The following DNAI2 variants were observed in gnomAD, a reference collection of about 807,000 sequenced individuals.
DNAI2 encodes dynein axonemal intermediate chain 2.
Under a neutral mutation model 74.7 loss-of-function variants are expected in DNAI2, and 63 were observed. That is an observed-to-expected ratio of 0.84 (90% CI 0.69 to 1.04). The LOEUF (loss-of-function observed/expected upper bound fraction) is 1.04, where lower values mean the gene tolerates loss of function less well. Ranked by LOEUF, DNAI2 falls within the 50% of genes least tolerant of loss-of-function variation. DNAI2 has a pLI of 0.00. For synonymous variants in DNAI2, 289 were observed against 314.9 expected (o/e 0.92, Z 0.87); for missense variants, 688 against 803.2 (o/e 0.86, Z 1.73).
rs185381490 is a variant in DNAI2 at position 74,312,557 on chromosome 17, G to A, written c.1722+327G>A. Reference sequence around the variant, plus strand: ...CATGTGTGTTGAGTGACTGAACGAGGGTCCTAGAGGTAAGTGAGCTGTCAG... The same window carrying A: ...CATGTGTGTTGAGTGACTGAACGAGAGTCCTAGAGGTAAGTGAGCTGTCAG... On this transcript the variant is annotated intron_variant, in intron 12 of 13. Coordinates refer to ENST00000311014, the MANE Select transcript of DNAI2 (RefSeq NM_023036.6). 9.3e-4 allele frequency among the ~76,000 whole-genome samples: 141 copies of A among 152,262 alleles called. 2 individuals carry two copies. In the South Asian group the frequency reaches 0.027, roughly 29 times the overall value.
chr17:74,282,695 G>A (rs2051465205), intron 2 of DNAI2, among the ~76,000 whole-genome samples: 1 of 152,210 alleles, frequency 6.6e-6, no homozygotes, highest in Non-Finnish European at 1.5e-5. Context: ...TCCAGCCAGA[G>A]GGGCCTCCAC....
Position 74,310,116 on chromosome 17 carries a change from C to T in DNAI2, c.1447C>T (p.Pro483Ser), listed in dbSNP as rs2053428541. 5 of 1,613,808 alleles carry T rather than the reference C, an allele frequency of 3.1e-6. No homozygotes were observed. The highest frequency in any genetic ancestry group is 2.2e-5 in the East Asian group (1 of 44,882). ...GACAACCACCCTGCTGGAGGTCTCGCCTGGGCTCTCTACCCTCCAGAGGAA... is the reference window on the plus strand; with the variant it reads ...GACAACCACCCTGCTGGAGGTCTCGTCTGGGCTCTCTACCCTCCAGAGGAA... ...LGTTTLLEVS[P>S]GLSTLQRNEK... The change falls in exon 11 of 14, where the codon CCT (proline) becomes TCT (serine). Residue 483 changes from proline (P) to serine (S), a missense_variant. Coordinates refer to ENST00000311014, the MANE Select transcript of DNAI2 (RefSeq NM_023036.6).
chr17:74,298,461 C>T (rs1218079735), intron 6 of DNAI2, among the ~76,000 whole-genome samples: 4 of 151,936 alleles, frequency 2.6e-5, no homozygotes, highest in South Asian at 4.2e-4. Context: ...CCTGCCACCA[C>T]GCCCAGCTAA....
At chr17:74,295,467 G>A (rs1328735848) in intron 6 of DNAI2, among the ~76,000 whole-genome samples, 1 of 152,128 alleles carries the variant, frequency 6.6e-6, no homozygotes, top group Non-Finnish European at 1.5e-5. Context: ...ATCATCTCAT[G>A]CTTTTCTTTA....
chr17:74,306,048 T>A (rs1214667169), intron 9 of DNAI2, among the ~76,000 whole-genome samples: 1 of 152,218 alleles, frequency 6.6e-6, no homozygotes, highest in East Asian at 1.9e-4. Context: ...TTTTTCATGT[T>A]AGGGAACTGG....
chr17:74,304,342 T>C (rs892775252), intron 8 of DNAI2, among the ~76,000 whole-genome samples: 5 of 151,658 alleles, frequency 3.3e-5, no homozygotes, highest in African/African-American at 7.3e-5. Flanking sequence ...TCTGAGCCCG[T>C]TGACAAAGGC....
intron 12 of DNAI2, 136 bp from the exon 13 acceptor site, chr17:74,313,985 C>T: frequency 6.9e-7 from 1 of 1,459,006 alleles, no homozygotes; most frequent in South Asian, 1.2e-5. Flanking sequence ...GAGCTGGCAC[C>T]CGGGTTCCAG....
rs2053112306 is a variant in DNAI2 at position 74,305,193 on chromosome 17, C to T, written c.988-26C>T. 1.9e-6 allele frequency: 3 copies of T among 1,610,850 alleles called. No homozygotes were observed. In the Admixed American group the frequency reaches 5.0e-5, roughly 27 times the overall value. The stretch of plus-strand genomic sequence containing the variant: ...CAGAATTGATGGTTCGTGGAGTCTT[C>T]CCCTCCTGTGTCACTCCTTCCACAG... On this transcript the variant is annotated intron_variant, in intron 8 of 13. Coordinates refer to ENST00000311014, the MANE Select transcript of DNAI2 (RefSeq NM_023036.6).
intron 4 of DNAI2, 42 bp from the exon 5 acceptor site, chr17:74,289,552 A>G (rs2143940310): frequency 1.9e-6 from 3 of 1,600,548 alleles, no homozygotes; most frequent in Non-Finnish European, 2.6e-6. Context: ...AAATTGGGGA[A>G]CCTCACATCC....
chr17:74,302,156 C>T (rs548884789), intron 8 of DNAI2, among the ~76,000 whole-genome samples: 36 of 152,014 alleles, frequency 2.4e-4, no homozygotes, highest in African/African-American at 8.2e-4. Context: ...TGAGGCAAGG[C>T]GCCGTGGCTC....
At chr17:74,295,368 C>G (rs535045634) in intron 6 of DNAI2, among the ~76,000 whole-genome samples, 39 of 152,266 alleles carry the variant, frequency 2.6e-4, no homozygotes, top group African/African-American at 9.4e-4. Flanking sequence ...TGCCACTGCA[C>G]TCCAGGCTGG....
In DNAI2 at chr17:74,281,757, G is replaced by C. The variant is rs746771364; in HGVS notation, c.-11-50G>C. On this transcript the variant is annotated intron_variant, in intron 1 of 13. Coordinates refer to ENST00000311014, the MANE Select transcript of DNAI2 (RefSeq NM_023036.6). ...GTCCTGGCAGGACCTGTGGAGATAG[G>C]GAAGGGGCCGGTGGGGTCCCTCACC... is the stretch of plus-strand genomic sequence containing the variant. The C allele has an allele frequency of 4.4e-6, 7 of 1,593,358 alleles. No homozygotes were observed. In the African/African-American group the frequency reaches 9.4e-5, roughly 21 times the overall value.
chr17:74,310,266 C>G, intron 11 of DNAI2, 103 bp downstream of exon 11: 2 of 1,479,400 alleles, frequency 1.4e-6, no homozygotes, highest in Non-Finnish European at 9.1e-7. Flanking sequence ...CCTCCCACCC[C>G]CAGAACATAG....
In DNAI2 at chr17:74,305,372, CTGACGG is replaced by C; in HGVS notation, c.1143_1148del (p.Thr382_Val383del). ...AAACCCCTTCTACCCGAAGAACTTC[CTGACGG>C]TTGGCGACTGGACAGCCCGCATTTG... On this transcript the variant is annotated inframe_deletion, in exon 9 of 14. Transcript: ENST00000311014. The C allele has an allele frequency of 6.2e-7, 1 of 1,614,202 alleles. No individual in the cohort carries two copies. Among genetic ancestry groups the C allele is most frequent in the Non-Finnish European group, 8.5e-7 (1 of 1,180,046 alleles).
At chr17:74,289,136 G>A (rs2051924801) in intron 4 of DNAI2, among the ~76,000 whole-genome samples, 1 of 152,212 alleles carries the variant, frequency 6.6e-6, no homozygotes, top group African/African-American at 2.4e-5. Context: ...GTGCAGGAGA[G>A]GGCATGGCGG....
intron 6 of DNAI2, among the ~76,000 whole-genome samples, chr17:74,292,107 C>G (rs1184406891): frequency 6.6e-6 from 1 of 152,188 alleles, no homozygotes; most frequent in East Asian, 1.9e-4. Context: ...TCAAGTGATC[C>G]TCCCTCCTTG....
At chr17:74,314,320 G>A (rs2053704190) in intron 13 of DNAI2, 49 bp downstream of exon 13, 1 of 1,596,542 alleles carries the variant, frequency 6.3e-7, no homozygotes, top group South Asian at 1.1e-5. Flanking sequence ...CCTTAAAGCA[G>A]CACTGGGTGG....
chr17:74,296,880 A>C (rs2052476376), intron 6 of DNAI2, among the ~76,000 whole-genome samples: 1 of 152,150 alleles, frequency 6.6e-6, no homozygotes, highest in Admixed American at 6.5e-5. Flanking sequence ...GGCAAGTGAA[A>C]ATGCCACTGT....
rs2051181963 is a variant in DNAI2, at chr17:74,277,736, G to A, written c.-12+3391G>A. On this transcript the variant is annotated intron_variant, in intron 1 of 13. Transcript: ENST00000311014. ...TCTGGTAGTCATGTTCACCTAGGGTGATTGTGAAAAACACGAATTGCTAGG... is the reference window on the plus strand; with the variant it reads ...TCTGGTAGTCATGTTCACCTAGGGTAATTGTGAAAAACACGAATTGCTAGG... 2.0e-5 allele frequency among the ~76,000 whole-genome samples: 3 copies of A among 152,362 alleles called. No individual in the cohort carries two copies. The South Asian group carries it at 6.2e-4, about 32-fold the overall frequency.
Sources: allele counts gnomAD v4.1 joint callset (sites outside exome capture counted in the v4.1 genomes callset), GRCh38; gene constraint gnomAD v4.1.1; transcripts MANE v1.5; gene names NCBI Gene and HGNC (gene_info 2026-07-23, HGNC 2026-07-21).